The following ABTB3 variants were observed in gnomAD, a reference collection of about 807,000 sequenced individuals.
The protein encoded by ABTB3 is ankyrin repeat- and BTB/POZ domain-containing protein 3.
the ABTB3 span, among the ~76,000 whole-genome samples, chr12:107,583,722 G>C: frequency 1.5e-4 from 23 of 152,260 alleles, no homozygotes; most frequent in African/African-American, 5.3e-4. Flanking sequence ...GTCACACCAA[G>C]GATTTCAATT....
At chr12:107,602,026 A>T in the ABTB3 span, among the ~76,000 whole-genome samples, 2 of 152,142 alleles carry the variant, frequency 1.3e-5, no homozygotes, top group African/African-American at 4.8e-5. Context: ...CTGGAGTAAA[A>T]CTCTCAGGGA....
At chr12:107,526,860 T>C in the ABTB3 span, among the ~76,000 whole-genome samples, 1 of 152,176 alleles carries the variant, frequency 6.6e-6, no homozygotes, top group Non-Finnish European at 1.5e-5. Context: ...TTCCCCTTGT[T>C]TGAAATGTAA....
At chr12:107,383,978 G>A in the ABTB3 span, among the ~76,000 whole-genome samples, 3 of 152,204 alleles carry the variant, frequency 2.0e-5, no homozygotes, top group Non-Finnish European at 2.9e-5. Context: ...GCGCCCAGGT[G>A]TGCAGGCATC....
chr12:107,319,835 G>GGCGCCTGCAGCGCAGCCAGCA, the ABTB3 span: 2 of 1,243,566 alleles, frequency 1.6e-6, no homozygotes, highest in Non-Finnish European at 2.1e-6. Flanking sequence ...GGCGAGCGGC[G>GGCGCCTGCAGCGCAGCCAGCA]GCGCCTGCAG....
chr12:107,358,173 T>C, the ABTB3 span, among the ~76,000 whole-genome samples: 4 of 152,216 alleles, frequency 2.6e-5, no homozygotes, highest in Admixed American at 2.0e-4. Flanking sequence ...AAATGCAATC[T>C]GTTATATAAA....
At chr12:107,581,119 A>ACG in the ABTB3 span, 10 of 1,522,014 alleles carry the variant, frequency 6.6e-6, no homozygotes, top group East Asian at 2.6e-4. Context: ...GGAGGCCCTA[A>ACG]CGCGCGTCTC....
the ABTB3 span, chr12:107,649,380 T>C: frequency 9.1e-7 from 1 of 1,098,378 alleles, no homozygotes; most frequent in African/African-American, 1.5e-5. Flanking sequence ...AGGACCCGTG[T>C]TGGGTTTTCA....
At chr12:107,603,067 A>C in the ABTB3 span, among the ~76,000 whole-genome samples, 1 of 152,224 alleles carries the variant, frequency 6.6e-6, no homozygotes, top group Non-Finnish European at 1.5e-5. Flanking sequence ...GTGATGCCCC[A>C]GGTGACCAGC....
the ABTB3 span, among the ~76,000 whole-genome samples, chr12:107,592,874 G>A: frequency 6.6e-6 from 1 of 152,136 alleles, no homozygotes; most frequent in African/African-American, 2.4e-5. Flanking sequence ...CAGCGTGTAG[G>A]TGGTCATTAT....
the ABTB3 span, among the ~76,000 whole-genome samples, chr12:107,424,387 C>T: frequency 1.3e-5 from 2 of 152,188 alleles, no homozygotes; most frequent in South Asian, 4.1e-4. Context: ...CTCTGTGGTC[C>T]ATTCAGGCCC....
At chr12:107,507,047 G>A in the ABTB3 span, among the ~76,000 whole-genome samples, 30 of 152,304 alleles carry the variant, frequency 2.0e-4, no homozygotes, top group Admixed American at 1.1e-3. Context: ...TGTTTAAAAT[G>A]AATGTTCAAG....
chr12:107,355,296 G>A, the ABTB3 span, among the ~76,000 whole-genome samples: 2 of 152,178 alleles, frequency 1.3e-5, no homozygotes, highest in African/African-American at 2.4e-5. Context: ...TCTCTGCGTC[G>A]TGGCTCTGAC....
chr12:107,342,542 A>C, the ABTB3 span, among the ~76,000 whole-genome samples: 297 of 152,142 alleles, frequency 2.0e-3, 1 homozygote, highest in Non-Finnish European at 3.0e-3. Context: ...CCTTACTCTC[A>C]TCCAAGTTCA....
At chr12:107,406,351 G>A in the ABTB3 span, among the ~76,000 whole-genome samples, 1 of 152,308 alleles carries the variant, frequency 6.6e-6, no homozygotes, top group South Asian at 2.1e-4. Context: ...GATCGCTTGA[G>A]CCTAGGAGTT....
At chr12:107,632,367 G>A in the ABTB3 span, among the ~76,000 whole-genome samples, 3 of 152,212 alleles carry the variant, frequency 2.0e-5, no homozygotes, top group African/African-American at 7.2e-5. Context: ...CAAGATGCAC[G>A]AGACACACCC....
At chr12:107,656,432 T>C in the ABTB3 span, among the ~76,000 whole-genome samples, 1 of 152,376 alleles carries the variant, frequency 6.6e-6, no homozygotes, top group East Asian at 1.9e-4. Context: ...GCTTTGTACC[T>C]ACTTAATTTT....
chr12:107,520,384 C>G, the ABTB3 span: 1 of 1,498,124 alleles, frequency 6.7e-7, no homozygotes, highest in Non-Finnish European at 9.0e-7. Context: ...AGTACCAGCT[C>G]TGGCGTGGTT....
the ABTB3 span, among the ~76,000 whole-genome samples, chr12:107,326,869 A>G: frequency 3.3e-5 from 5 of 152,334 alleles, no homozygotes; most frequent in African/African-American, 1.2e-4. Context: ...CCAAACAAGC[A>G]TTGTGGGGTT....
At chr12:107,431,943 G>T in the ABTB3 span, among the ~76,000 whole-genome samples, 2 of 152,330 alleles carry the variant, frequency 1.3e-5, no homozygotes, top group Admixed American at 6.5e-5. Context: ...TTTGGAGGGG[G>T]TTAAATGAAG....
Sources: gnomAD v4.1 joint callset for allele counts (sites outside exome capture counted in the v4.1 genomes callset) on GRCh38, gnomAD v4.1.1 for gene constraint, MANE v1.5 for transcripts, NCBI Gene and HGNC (gene_info 2026-07-23, HGNC 2026-07-21) for gene names.